PLEKHH2: variants seen among roughly 807,000 people sequenced by gnomAD.
PLEKHH2 encodes pleckstrin homology, MyTH4 and FERM domain containing H2.
Under a neutral mutation model 187.9 loss-of-function variants are expected in PLEKHH2, and 129 were observed. The ratio of observed to expected loss-of-function variants is 0.69; its 90% CI spans 0.59 to 0.79. The LOEUF is 0.79. Ranked by LOEUF, PLEKHH2 falls within the 30% of genes least tolerant of loss-of-function variation. PLEKHH2 has a pLI of 0.00. For missense variants in PLEKHH2, 2,076 were observed against 1,751.2 expected (o/e 1.19, Z -3.31); for synonymous variants, 686 against 605.6 (o/e 1.13, Z -1.95).
In PLEKHH2 at chr2:43,765,916, C is replaced by A. The variant is rs1488210608; in HGVS notation, c.*318C>A. On this transcript the variant is annotated 3_prime_UTR_variant, in exon 30 of 30. Transcript: ENST00000282406. ...GGCTTTTCTTTTCTTTTCTTTTTTT[C>A]CCCTTTTTAATATTCTGGCAATCTT... 2 of 232,368 alleles carry A rather than the reference C, an allele frequency of 8.6e-6. No homozygotes were observed. The highest frequency in any genetic ancestry group is 2.3e-5 in the African/African-American group (1 of 44,388). The allele number at this position is 232,368 out of a possible 1,614,324, so 14.4% of individuals were successfully genotyped here. A position where few individuals can be genotyped will look rare whatever the true frequency, so the allele number is the denominator to read the frequency against.
chr2:43,723,876 G>T (rs1049598193), intron 16 of PLEKHH2, among the ~76,000 whole-genome samples: 8 of 152,304 alleles, frequency 5.3e-5, no homozygotes, highest in African/African-American at 1.9e-4. Flanking sequence ...AGGGAATAAG[G>T]AGGAGATGGG....
intron 9 of PLEKHH2, among the ~76,000 whole-genome samples, chr2:43,704,320 T>A (rs1242672218): frequency 6.6e-6 from 1 of 152,124 alleles, no homozygotes; most frequent in Non-Finnish European, 1.5e-5. Context: ...GAGGTCTGTT[T>A]TACAACAGTG....
At position 43,691,508 on chromosome 2, in the gene PLEKHH2, C is replaced by T. The variant is rs115907496; in HGVS notation, c.187-1006C>T. ...AAAATAGGTGAAGGATGGGATCAAT[C>T]GAAAGAAAGTGTGCCAAACGGGAAG... On this transcript the variant is annotated intron_variant, in intron 3 of 29. Transcript: ENST00000282406. 6.4e-3 allele frequency among the ~76,000 whole-genome samples: 975 copies of T among 152,248 alleles called. 10 individuals carry two copies. The highest frequency in any genetic ancestry group is 0.022 in the African/African-American group (931 of 41,544).
At chr2:43,698,433 A>G (rs1405764912) in intron 7 of PLEKHH2, among the ~76,000 whole-genome samples, 5 of 152,154 alleles carry the variant, frequency 3.3e-5, no homozygotes, top group South Asian at 2.1e-4. Flanking sequence ...TTTTTTGTAG[A>G]GATGGGGTTT....
intron 5 of PLEKHH2, 57 bp downstream of exon 5, chr2:43,694,571 C>A: frequency 6.8e-7 from 1 of 1,461,572 alleles, no homozygotes; most frequent in South Asian, 1.4e-5. Context: ...TGAATTGATA[C>A]ATCATCAGAA....
chr2:43,765,527 CAAGCCAGAATGATGGG>C lies in PLEKHH2; in HGVS notation c.4419_4434del (p.Arg1473SerfsTer22), dbSNP rs1274285207. On this transcript the variant is annotated frameshift_variant, in exon 30 of 30. Transcript: ENST00000282406. LOFTEE classifies it high-confidence loss of function. ...GCTCTCAGCCCAGACCCGGGGACCCCAAGCCAGAATGATGGGAAGCCAGCCTCTTCTGTCAAGCAGC... is the reference window on the plus strand; with the variant it reads ...GCTCTCAGCCCAGACCCGGGGACCCCAAGCCAGCCTCTTCTGTCAAGCAGC... 3.1e-6 allele frequency: 5 copies of C among 1,614,054 alleles called. No individual in the cohort carries two copies. Among genetic ancestry groups the C allele is most frequent in the Non-Finnish European group, 4.2e-6 (5 of 1,180,006 alleles).
intron 3 of PLEKHH2, chr2:43,681,545 A>C (rs763769553): frequency 8.9e-5 from 126 of 1,408,520 alleles, no homozygotes; most frequent in Admixed American, 1.4e-4. Flanking sequence ...CGTATGCAGA[A>C]AGACTCACTT....
chr2:43,679,019 C>G (rs561967145), intron 3 of PLEKHH2, 94 bp downstream of exon 3: 202 of 753,796 alleles, frequency 2.7e-4, no homozygotes, highest in Non-Finnish European at 3.5e-4. Flanking sequence ...CAGCCCACCT[C>G]TACATCTTAT....
chr2:43,713,885 A>G (rs1333094346), intron 15 of PLEKHH2, among the ~76,000 whole-genome samples: 1 of 152,172 alleles, frequency 6.6e-6, no homozygotes, highest in Non-Finnish European at 1.5e-5. Context: ...GGTGGGTGTT[A>G]TTCCATAATA....
intron 1 of PLEKHH2, among the ~76,000 whole-genome samples, chr2:43,637,919 A>G (rs1703191136): frequency 6.6e-6 from 1 of 152,226 alleles, no homozygotes; most frequent in Non-Finnish European, 1.5e-5. Context: ...CTGTCCCCGA[A>G]GTTAGTGGGG....
At chr2:43,724,944 G>C (rs1558567333) in intron 16 of PLEKHH2, among the ~76,000 whole-genome samples, 2 of 152,156 alleles carry the variant, frequency 1.3e-5, no homozygotes, top group Admixed American at 6.5e-5. Context: ...CTGGGTCATG[G>C]ACACACACAG....
Position 43,699,995 on chromosome 2 carries a change from C to A in PLEKHH2, c.1037C>A (p.Pro346Gln). The A allele has an allele frequency of 6.2e-7, 1 of 1,614,120 alleles. No homozygotes were observed. The highest frequency in any genetic ancestry group is 1.1e-5 in the South Asian group (1 of 91,076). The stretch of plus-strand genomic sequence containing the variant: ...GAAGAGACTTTTGGCATAAAGAGAC[C>A]AGAACACAAGAAGCTATATTCTTGG... ...FEEETFGIKRPEHKKLYSWQQ... is the reference protein window; with the variant it reads ...FEEETFGIKRQEHKKLYSWQQ... The change falls in exon 8 of 30, where the codon CCA becomes CAA. Residue 346 changes from proline to glutamine, a missense_variant. Physicochemically the swap from Pro to Gln is moderately conservative, Grantham distance 76. Transcript: ENST00000282406.
In PLEKHH2 at chr2:43,742,973, T is replaced by C. The variant is rs561956828; in HGVS notation, c.3399+55T>C. The C allele has an allele frequency of 6.9e-5, 92 of 1,331,174 alleles. 1 individual carries two copies. The South Asian group carries it at 1.6e-3, about 23-fold the overall frequency. The allele number at this position is 1,331,174 out of a possible 1,614,324, so 82.5% of individuals were successfully genotyped here. A position where few individuals can be genotyped will look rare whatever the true frequency, so the allele number is the denominator to read the frequency against. On this transcript the variant is annotated intron_variant, in intron 22 of 29. Coordinates refer to ENST00000282406, the MANE Select transcript of PLEKHH2 (RefSeq NM_172069.4). ...CAACAATCCTATGTACAACCTCTGT[T>C]ATAGGGAACAGAGACTTCTCTGCTT...
intron 6 of PLEKHH2, among the ~76,000 whole-genome samples, chr2:43,695,455 C>G (rs186105507): frequency 9.3e-4 from 142 of 152,290 alleles, no homozygotes; most frequent in Admixed American, 9.2e-4. Context: ...GTGGTCACTA[C>G]GTAGATCAGA....
Position 43,759,157 on chromosome 2 carries a change from A to G in PLEKHH2, c.4071+128A>G, listed in dbSNP as rs150448925. 18 of 1,353,204 alleles carry G rather than the reference A, an allele frequency of 1.3e-5. No individual in the cohort carries two copies. The African/African-American group carries it at 2.2e-4, about 17-fold the overall frequency. The allele number at this position is 1,353,204 out of a possible 1,614,324, so 83.8% of individuals were successfully genotyped here. A position where few individuals can be genotyped will look rare whatever the true frequency, so the allele number is the denominator to read the frequency against. ...AAATATCCAATAATGTAAAGAAAAC[A>G]ATGAAGAGACACTAGAGAAAGGGCA... On this transcript the variant is annotated intron_variant, in intron 27 of 29. Transcript: ENST00000282406.
At chr2:43,689,377 C>T (rs1167058241) in intron 3 of PLEKHH2, among the ~76,000 whole-genome samples, 1 of 152,208 alleles carries the variant, frequency 6.6e-6, no homozygotes, top group Non-Finnish European at 1.5e-5. Flanking sequence ...TCCGTGTATA[C>T]ACATTTGTGA....
intron 6 of PLEKHH2, among the ~76,000 whole-genome samples, chr2:43,696,728 G>T (rs770645770): frequency 4.6e-5 from 7 of 152,088 alleles, no homozygotes; most frequent in Non-Finnish European, 1.0e-4. Context: ...TTGCCCCAAG[G>T]ATGATCCAAG....
At chr2:43,666,166 T>C (rs1667192810) in intron 2 of PLEKHH2, among the ~76,000 whole-genome samples, 1 of 149,752 alleles carries the variant, frequency 6.7e-6, no homozygotes, top group Non-Finnish European at 1.5e-5. Context: ...GTGTGGGATA[T>C]AGTCTCGTGG....
At chr2:43,760,616 G>C (rs962091894) in intron 27 of PLEKHH2, among the ~76,000 whole-genome samples, 2 of 152,122 alleles carry the variant, frequency 1.3e-5, no homozygotes, top group South Asian at 2.1e-4. Flanking sequence ...ACCCGCCTCG[G>C]CCTCCCAAAG....
Sources: allele counts gnomAD v4.1 joint callset (sites outside exome capture counted in the v4.1 genomes callset), GRCh38; gene constraint gnomAD v4.1.1; transcripts MANE v1.5; gene names NCBI Gene and HGNC (gene_info 2026-07-23, HGNC 2026-07-21).